NFATC2: variants seen among roughly 807,000 people sequenced by gnomAD.
The protein encoded by NFATC2 is nuclear factor of activated T cells 2.
A neutral mutation model predicts 87.3 loss-of-function variants in NFATC2; 22 were observed. The ratio of observed to expected loss-of-function variants is 0.25; its 90% CI spans 0.18 to 0.36. The LOEUF (loss-of-function observed/expected upper bound fraction) is 0.36, where lower values mean the gene tolerates loss of function less well. NFATC2 is among the 10% of genes least tolerant of loss of function. NFATC2 has a pLI of 1.00. For synonymous variants in NFATC2, 565 were observed against 542.2 expected (o/e 1.04, Z -0.58); for missense variants, 1,149 against 1,259.1 (o/e 0.91, Z 1.32).
chr20:51,417,789 G>C (rs567569974), intron 9 of NFATC2, among the ~76,000 whole-genome samples: 30 of 152,170 alleles, frequency 2.0e-4, no homozygotes, highest in African/African-American at 7.2e-4. Flanking sequence ...GTGGATATCT[G>C]TTCAAAGAAG....
At chr20:51,431,222 T>C (rs1297093642) in intron 9 of NFATC2, among the ~76,000 whole-genome samples, 4 of 152,230 alleles carry the variant, frequency 2.6e-5, no homozygotes, top group Admixed American at 6.5e-5. Context: ...CCTATTTTTC[T>C]GTCTGGAGCC....
chr20:51,500,596 C>G (rs2076061743), intron 3 of NFATC2, among the ~76,000 whole-genome samples: 1 of 150,068 alleles, frequency 6.7e-6, no homozygotes, highest in Non-Finnish European at 1.5e-5. Flanking sequence ...CAGCGAGGCT[C>G]AGGCAGAAGA....
intron 8 of NFATC2, among the ~76,000 whole-genome samples, chr20:51,434,208 T>G (rs1418721308): frequency 6.8e-6 from 1 of 147,684 alleles, no homozygotes; most frequent in Non-Finnish European, 1.5e-5. Context: ...GCCAGGGCAG[T>G]CAAGCTCACC....
At chr20:51,477,521 A>G (rs1988816208) in intron 3 of NFATC2, among the ~76,000 whole-genome samples, 1 of 124,116 alleles carries the variant, frequency 8.1e-6, no homozygotes, top group Non-Finnish European at 1.7e-5. Flanking sequence ...ATATATACAT[A>G]TGTGTGTGTG....
intron 1 of NFATC2, among the ~76,000 whole-genome samples, chr20:51,558,316 T>C: frequency 6.6e-6 from 1 of 152,174 alleles, no homozygotes; most frequent in Non-Finnish European, 1.5e-5. Flanking sequence ...CACTTCATGC[T>C]GGGCAACAGA....
chr20:51,472,906 C>T (rs1161963809), intron 5 of NFATC2, among the ~76,000 whole-genome samples: 2 of 152,116 alleles, frequency 1.3e-5, no homozygotes, highest in Admixed American at 6.5e-5. Flanking sequence ...CAGGTGTGAG[C>T]CACTGCGCCT....
At chr20:51,427,075 T>C (rs1025216224) in intron 9 of NFATC2, among the ~76,000 whole-genome samples, 21 of 151,964 alleles carry the variant, frequency 1.4e-4, no homozygotes, top group African/African-American at 5.1e-4. Flanking sequence ...TCTGGACGTT[T>C]CCAGAACGGG....
In NFATC2 at chr20:51,391,215, T is replaced by G; in HGVS notation, c.*281A>C. 1 of 726,100 alleles carries G rather than the reference T, an allele frequency of 1.4e-6. No homozygotes were observed. The highest frequency in any genetic ancestry group is 2.5e-6 in the Non-Finnish European group (1 of 395,010). The allele number at this position is 726,100 out of a possible 1,614,324, so 45.0% of individuals were successfully genotyped here. On this transcript the variant is annotated 3_prime_UTR_variant, in exon 11 of 11. Transcript: ENST00000371564. ...TAAAACATAAACCGAAAAGAAGAGT[T>G]CTCTCTGGTGTTTAGAGGGAGGTGG...
intron 2 of NFATC2, among the ~76,000 whole-genome samples, chr20:51,522,527 A>G (rs1438925460): frequency 6.0e-5 from 9 of 150,810 alleles, no homozygotes; most frequent in Non-Finnish European, 1.5e-5. Context: ...ATCTACATAC[A>G]TCTCCTCAGC....
At chr20:51,492,254 C>T (rs2075904180) in intron 3 of NFATC2, among the ~76,000 whole-genome samples, 1 of 151,746 alleles carries the variant, frequency 6.6e-6, no homozygotes, top group South Asian at 2.1e-4. Context: ...TCACAGCCTC[C>T]ACCCGCTGGC....
At position 51,480,332 on chromosome 20, in the gene NFATC2, G is replaced by A. The variant is rs1989146048; in HGVS notation, c.1333-4672C>T. 6.6e-6 allele frequency among the ~76,000 whole-genome samples: 1 copy of A among 152,098 alleles called. No individual in the cohort carries two copies. Among genetic ancestry groups the A allele is most frequent in the African/African-American group, 2.4e-5 (1 of 41,398 alleles). Reference sequence around the variant, plus strand: ...TCCTGCCGCACAGGAGAGAGAGTGGGGCAGGAAGGAGGGAGAAAAGAAGGG... The same window carrying A: ...TCCTGCCGCACAGGAGAGAGAGTGGAGCAGGAAGGAGGGAGAAAAGAAGGG... On this transcript the variant is annotated intron_variant, in intron 3 of 10. Coordinates refer to ENST00000371564, the MANE Select transcript of NFATC2 (RefSeq NM_012340.5). The surrounding 1 kb of genome is among the most constrained non-coding windows in gnomAD (Gnocchi z 4.2).
At chr20:51,506,941 C>T (rs1033900801) in intron 3 of NFATC2, among the ~76,000 whole-genome samples, 1 of 152,214 alleles carries the variant, frequency 6.6e-6, no homozygotes, top group Non-Finnish European at 1.5e-5. Context: ...ACCCTAGGTC[C>T]AGGACTCAGG....
chr20:51,484,619 T>C (rs1310268263), intron 3 of NFATC2, among the ~76,000 whole-genome samples: 2 of 152,180 alleles, frequency 1.3e-5, no homozygotes, highest in African/African-American at 4.8e-5. Flanking sequence ...GCCTCTCCCA[T>C]GACAAAGAGC....
At chr20:51,551,789 A>T (rs1397450568) in intron 1 of NFATC2, among the ~76,000 whole-genome samples, 3 of 152,090 alleles carry the variant, frequency 2.0e-5, no homozygotes, top group Non-Finnish European at 4.4e-5. Flanking sequence ...GCACATTGGG[A>T]GGCCAAGGTG....
At chr20:51,528,884 T>A (rs1220905162) in intron 1 of NFATC2, among the ~76,000 whole-genome samples, 7 of 152,196 alleles carry the variant, frequency 4.6e-5, no homozygotes, top group African/African-American at 1.7e-4. Flanking sequence ...TGAACAGCAT[T>A]AAACTGAATC....
rs181122021 is a variant in NFATC2, at chr20:51,475,540, T to A, written c.1453A>T (p.Thr485Ser). Reference protein sequence around the residue: ...QVHRITGKTVTTTSYEKIVGN... With the variant: ...QVHRITGKTVSTTSYEKIVGN... Reference sequence around the variant, plus strand: ...ACTATCTTCTCATAGCTGGTGGTGGTGACAGTTTTCCCCGTGATTCGGTGC... The same window carrying A: ...ACTATCTTCTCATAGCTGGTGGTGGAGACAGTTTTCCCCGTGATTCGGTGC... The change falls in exon 4 of 11, where the codon ACC (threonine) becomes TCC (serine). Residue 485 changes from threonine (T) to serine (S), a missense_variant. Coordinates refer to ENST00000371564, the MANE Select transcript of NFATC2 (RefSeq NM_012340.5). The A allele has an allele frequency of 1.3e-4, 211 of 1,614,082 alleles. 2 individuals are homozygous for A. The East Asian group carries it at 3.8e-3, about 29-fold the overall frequency.
intron 1 of NFATC2, among the ~76,000 whole-genome samples, chr20:51,551,865 A>G (rs955295851): frequency 3.3e-5 from 5 of 151,382 alleles, no homozygotes; most frequent in African/African-American, 1.2e-4. Context: ...ATCTCTACTA[A>G]AAATACAAAA....
rs1568970129 is a variant in NFATC2 at position 51,432,795 on chromosome 20, G to C, written c.2033-39C>G. Reference sequence around the variant, plus strand: ...AGAGCACATAGGGGCGCCCATGGCAGTGAGCCACGGATGTGCACGGAGGAT... The same window carrying C: ...AGAGCACATAGGGGCGCCCATGGCACTGAGCCACGGATGTGCACGGAGGAT... On this transcript the variant is annotated intron_variant, in intron 8 of 10. Transcript: ENST00000371564. The surrounding 1 kb of genome is among the most constrained non-coding windows in gnomAD (Gnocchi z 4.6). The C allele has an allele frequency of 2.7e-6, 4 of 1,506,282 alleles. No homozygotes were observed. The highest frequency in any genetic ancestry group is 3.5e-6 in the Non-Finnish European group (4 of 1,133,346). 93.3% of individuals were successfully genotyped at this position (1,506,282 alleles called of 1,614,324 possible).
chr20:51,390,151 C>T lies in NFATC2; in HGVS notation c.*1345G>A, dbSNP rs6021174. 2.6e-5 allele frequency: 4 copies of T among 151,982 alleles called. No individual in the cohort carries two copies. The highest frequency in any genetic ancestry group is 9.7e-5 in the African/African-American group (4 of 41,292). The allele number at this position is 151,982 out of a possible 1,614,324, so 9.4% of individuals were successfully genotyped here. ...AAGGAAATCACATATAACATGCAAC[C>T]GAATAGAGCTCATTCAAAGTAAAGG... On this transcript the variant is annotated 3_prime_UTR_variant, in exon 11 of 11. Coordinates refer to ENST00000371564, the MANE Select transcript of NFATC2 (RefSeq NM_012340.5).
Sources: allele counts gnomAD v4.1 joint callset (sites outside exome capture counted in the v4.1 genomes callset), GRCh38; gene constraint gnomAD v4.1.1; non-coding constraint Gnocchi (gnomAD v3.1); transcripts MANE v1.5; gene names NCBI Gene and HGNC (gene_info 2026-07-23, HGNC 2026-07-21).